DLGAP2: variants seen among roughly 807,000 people sequenced by gnomAD.
DLGAP2 encodes the protein DLG associated protein 2.
DLGAP2 carries 26 observed loss-of-function variants against 100.3 expected under a neutral mutation model. The ratio of observed to expected loss-of-function variants is 0.26; its 90% CI spans 0.19 to 0.36. DLGAP2 has a LOEUF of 0.36. Ranked by LOEUF, DLGAP2 falls within the 10% of genes least tolerant of loss-of-function variation. The pLI, the probability that DLGAP2 is intolerant of heterozygous loss-of-function variation, is 1.00. For missense variants in DLGAP2, 1,858 were observed against 1,453.2 expected (o/e 1.28, Z -4.53); for synonymous variants, 886 against 630.1 (o/e 1.41, Z -6.08).
intron 1 of DLGAP2, among the ~76,000 whole-genome samples, chr8:906,874 G>A (rs885484): frequency 0.14 from 21,844 of 152,256 alleles, 1,719 homozygotes; most frequent in East Asian, 0.3. Flanking sequence ...TTTGCACAGA[G>A]TTGAAAATTG....
chr8:1,518,204 C>T (rs147407038), intron 4 of DLGAP2, among the ~76,000 whole-genome samples: 1 of 152,164 alleles, frequency 6.6e-6, no homozygotes, highest in Non-Finnish European at 1.5e-5. Context: ...GACACGGAAT[C>T]GAGTTTGCTA....
intron 2 of DLGAP2, among the ~76,000 whole-genome samples, chr8:957,480 C>G (rs959077676): frequency 6.6e-6 from 1 of 152,238 alleles, no homozygotes; most frequent in African/African-American, 2.4e-5. Context: ...GTCCAAAACA[C>G]CAGCCTAGAG....
At chr8:1,494,489 G>C (rs919346023) in intron 3 of DLGAP2, among the ~76,000 whole-genome samples, 11 of 152,176 alleles carry the variant, frequency 7.2e-5, no homozygotes. Flanking sequence ...CCAGCACTTT[G>C]GGAGGCCAAG....
At chr8:917,820 C>T (rs1026552049) in intron 2 of DLGAP2, among the ~76,000 whole-genome samples, 3 of 151,956 alleles carry the variant, frequency 2.0e-5, no homozygotes, top group African/African-American at 7.2e-5. Flanking sequence ...ACCTCGGGAT[C>T]CGCCTGCCTC....
At chr8:1,556,280 G>C (rs1027556283) in intron 5 of DLGAP2, among the ~76,000 whole-genome samples, 1 of 152,190 alleles carries the variant, frequency 6.6e-6, no homozygotes, top group African/African-American at 2.4e-5. Flanking sequence ...CTCCCTCCCA[G>C]GGCAGATGAG....
At chr8:1,045,093 C>T (rs910016727) in intron 2 of DLGAP2, among the ~76,000 whole-genome samples, 2 of 152,222 alleles carry the variant, frequency 1.3e-5, no homozygotes, top group South Asian at 2.1e-4. Context: ...CAGCTGAATG[C>T]CCGGTCCATT....
intron 2 of DLGAP2, among the ~76,000 whole-genome samples, chr8:931,163 C>T (rs1777917137): frequency 6.6e-6 from 1 of 152,146 alleles, no homozygotes; most frequent in Admixed American, 6.5e-5. Context: ...GCACTGAGGC[C>T]ACTGCCCTAC....
chr8:1,486,730 A>G (rs1485404874), intron 3 of DLGAP2, among the ~76,000 whole-genome samples: 1 of 152,244 alleles, frequency 6.6e-6, no homozygotes, highest in East Asian at 1.9e-4. Flanking sequence ...TTTTCATTAC[A>G]GAAAACATAA....
intron 1 of DLGAP2, among the ~76,000 whole-genome samples, chr8:799,724 G>A (rs796478984): frequency 1.1e-4 from 17 of 152,262 alleles, no homozygotes; most frequent in African/African-American, 4.1e-4. Flanking sequence ...CGTCTCTTGA[G>A]TAGCTGGGAC....
chr8:1,196,549 G>A lies in DLGAP2; in HGVS notation c.74-62302G>A, dbSNP rs536576062. ...TTTCATAGCATGGAGTTTCTCAGCT[G>A]ATAAGCAAAAGAATAATGACAAAAA... On this transcript the variant is annotated intron_variant, in intron 2 of 14. Transcript: ENST00000637795. Among the ~76,000 whole-genome samples the A allele has an allele frequency of 3.3e-5, 5 of 152,320 alleles. No individual in the cohort carries two copies. The East Asian group carries it at 9.7e-4, about 29-fold the overall frequency.
rs560845229 is a variant in DLGAP2 at position 1,512,468 on chromosome 8, G to A, written c.172+11037G>A. 3.3e-5 allele frequency among the ~76,000 whole-genome samples: 5 copies of A among 152,166 alleles called. No individual in the cohort carries two copies. In the East Asian group the frequency reaches 7.8e-4, roughly 24 times the overall value. On this transcript the variant is annotated intron_variant, in intron 4 of 14. Transcript: ENST00000637795. Reference sequence around the variant, plus strand: ...GGTGTGGCAGTTCCGCACTGACCTCGGTGCATTCCTGCTCTGGAGTCTAGC... The same window carrying A: ...GGTGTGGCAGTTCCGCACTGACCTCAGTGCATTCCTGCTCTGGAGTCTAGC...
At chr8:1,389,203 G>C (rs1796288725) in intron 3 of DLGAP2, among the ~76,000 whole-genome samples, 1 of 152,086 alleles carries the variant, frequency 6.6e-6, no homozygotes, top group Non-Finnish European at 1.5e-5. Flanking sequence ...ACCTCTTTAT[G>C]GGAAATGCCA....
intron 3 of DLGAP2, among the ~76,000 whole-genome samples, chr8:1,363,808 G>A (rs970700570): frequency 6.6e-6 from 1 of 152,196 alleles, no homozygotes; most frequent in Admixed American, 6.5e-5. Context: ...CAGAGGCTGC[G>A]GGTGTGACAG....
At chr8:836,227 C>T (rs981493647) in intron 1 of DLGAP2, among the ~76,000 whole-genome samples, 31 of 152,200 alleles carry the variant, frequency 2.0e-4, no homozygotes, top group Non-Finnish European at 2.9e-5. Context: ...CGGCCGCCTC[C>T]TGCTTCCAGT....
At chr8:1,552,845 T>C (rs1374877455) in intron 5 of DLGAP2, among the ~76,000 whole-genome samples, 1 of 152,172 alleles carries the variant, frequency 6.6e-6, no homozygotes, top group Non-Finnish European at 1.5e-5. Flanking sequence ...TGTTTTTAAG[T>C]AGGTCAAAAC....
At chr8:1,187,420 C>A (rs1797530737) in intron 2 of DLGAP2, among the ~76,000 whole-genome samples, 1 of 142,488 alleles carries the variant, frequency 7.0e-6, no homozygotes, top group Admixed American at 6.9e-5. Context: ...ACGCCCGGGA[C>A]CTCCGTGACG....
intron 2 of DLGAP2, among the ~76,000 whole-genome samples, chr8:1,200,068 C>A (rs1050779539): frequency 6.6e-6 from 1 of 152,082 alleles, no homozygotes; most frequent in Non-Finnish European, 1.5e-5. Context: ...AGGACGACTC[C>A]GTACAGGGAA....
chr8:1,655,016 A>C (rs1395303797), intron 8 of DLGAP2, among the ~76,000 whole-genome samples: 1 of 152,248 alleles, frequency 6.6e-6, no homozygotes, highest in Non-Finnish European at 1.5e-5. Flanking sequence ...ACAGCAGAGC[A>C]GCTGACATCA....
intron 6 of DLGAP2, among the ~76,000 whole-genome samples, chr8:1,596,926 T>G (rs537898798): frequency 1.3e-5 from 2 of 152,372 alleles, no homozygotes; most frequent in African/African-American, 4.8e-5. Context: ...GTTTTAGTCA[T>G]GAAGTCTTTA....
Sources: allele counts gnomAD v4.1 joint callset (sites outside exome capture counted in the v4.1 genomes callset), GRCh38; gene constraint gnomAD v4.1.1; transcripts MANE v1.5; gene names NCBI Gene and HGNC (gene_info 2026-07-23, HGNC 2026-07-21).